Variants in DPP6 observed in about 807,000 individuals in gnomAD.
DPP6 encodes dipeptidyl peptidase like 6, also known as A-type potassium channel modulatory protein DPP6.
Under a neutral mutation model 122.6 loss-of-function variants are expected in DPP6, and 69 were observed. That is an observed-to-expected ratio of 0.56 (90% CI 0.46 to 0.69). DPP6 has a LOEUF of 0.69. Ranked by LOEUF, DPP6 falls within the 30% of genes least tolerant of loss-of-function variation. The pLI is 0.00. For synonymous variants in DPP6, 418 were observed against 433.1 expected (o/e 0.97, Z 0.43); for missense variants, 928 against 1,116.9 (o/e 0.83, Z 2.41).
At chr7:154,311,446 G>A (rs1301696290) in intron 1 of DPP6, among the ~76,000 whole-genome samples, 4 of 151,606 alleles carry the variant, frequency 2.6e-5, no homozygotes, top group African/African-American at 7.3e-5. Context: ...GCAGTGAGCC[G>A]TGATCACACC....
intron 1 of DPP6, among the ~76,000 whole-genome samples, chr7:154,268,184 G>T (rs1488831944): frequency 6.6e-6 from 1 of 152,150 alleles, no homozygotes; most frequent in African/African-American, 2.4e-5. Flanking sequence ...AAAAGTGATT[G>T]TCTCACCATC....
At chr7:154,824,338 G>A (rs944206238) in intron 16 of DPP6, among the ~76,000 whole-genome samples, 2 of 152,222 alleles carry the variant, frequency 1.3e-5, no homozygotes, top group African/African-American at 4.8e-5. Flanking sequence ...GGAGTGCAGT[G>A]GCGAGACCTC....
chr7:154,302,190 C>T (rs1044971127), intron 1 of DPP6, among the ~76,000 whole-genome samples: 5 of 152,142 alleles, frequency 3.3e-5, no homozygotes, highest in South Asian at 2.1e-4. Context: ...ACCTCCCGCT[C>T]CCACCAGTCC....
intron 1 of DPP6, among the ~76,000 whole-genome samples, chr7:154,340,220 T>A (rs1809808394): frequency 6.6e-6 from 1 of 152,242 alleles, no homozygotes; most frequent in African/African-American, 2.4e-5. Context: ...AACTAATCTC[T>A]TTTATGTAGA....
intron 5 of DPP6, among the ~76,000 whole-genome samples, chr7:154,572,417 A>G (rs953197586): frequency 2.0e-5 from 3 of 151,878 alleles, no homozygotes; most frequent in African/African-American, 4.8e-5. Flanking sequence ...GGATTGGGCT[A>G]TAAATTATTG....
At chr7:154,114,535 T>G (rs2150591894) in intron 1 of DPP6, among the ~76,000 whole-genome samples, 1 of 152,254 alleles carries the variant, frequency 6.6e-6, no homozygotes. Flanking sequence ...CCCAGTGAAC[T>G]TAAACAATTC....
intron 19 of DPP6, among the ~76,000 whole-genome samples, chr7:154,874,078 C>T (rs1804646745): frequency 6.9e-6 from 1 of 145,298 alleles, no homozygotes; most frequent in African/African-American, 2.7e-5. Context: ...TGTATATACA[C>T]ATGCACACAT....
intron 1 of DPP6, among the ~76,000 whole-genome samples, chr7:153,893,654 A>G (rs896156651): frequency 3.3e-5 from 5 of 152,234 alleles, no homozygotes. Context: ...TAAACAGCTG[A>G]TGCATCAATC....
chr7:154,429,523 A>G (rs950637986), intron 1 of DPP6, among the ~76,000 whole-genome samples: 2 of 152,250 alleles, frequency 1.3e-5, no homozygotes, highest in Non-Finnish European at 2.9e-5. Flanking sequence ...TTTAACAGCC[A>G]CATAAAATAA....
At chr7:154,621,664 G>A (rs113477830) in intron 5 of DPP6, among the ~76,000 whole-genome samples, 422 of 152,280 alleles carry the variant, frequency 2.8e-3, no homozygotes, top group African/African-American at 9.7e-3. Flanking sequence ...ACCGCACCAG[G>A]CCTCTAATTT....
intron 5 of DPP6, among the ~76,000 whole-genome samples, chr7:154,595,154 CT>C (rs1833019221): frequency 6.6e-6 from 1 of 152,124 alleles, no homozygotes; most frequent in Admixed American, 6.5e-5. Flanking sequence ...GGCTGCTTTG[CT>C]TTCCTTTCCT....
At chr7:153,968,497 G>C (rs1415223439) in intron 1 of DPP6, among the ~76,000 whole-genome samples, 2 of 151,768 alleles carry the variant, frequency 1.3e-5, no homozygotes, top group Non-Finnish European at 2.9e-5. Context: ...ACAATATTTT[G>C]GTTTTTAGCA....
chr7:154,639,696 A>G (rs1174003304), intron 6 of DPP6, among the ~76,000 whole-genome samples: 1 of 147,064 alleles, frequency 6.8e-6, no homozygotes, highest in Non-Finnish European at 1.5e-5. Context: ...CTGCACTTAG[A>G]TACCTGGAGC....
At chr7:154,399,577 A>G (rs1815391602) in intron 1 of DPP6, among the ~76,000 whole-genome samples, 1 of 152,298 alleles carries the variant, frequency 6.6e-6, no homozygotes, top group African/African-American at 2.4e-5. Context: ...CTTGTAGTCA[A>G]AAAAAATTCT....
intron 5 of DPP6, among the ~76,000 whole-genome samples, chr7:154,579,853 G>A (rs1238868450): frequency 1.3e-5 from 2 of 152,102 alleles, no homozygotes; most frequent in African/African-American, 2.4e-5. Flanking sequence ...GCAGAGACAC[G>A]GTAAGGAGGG....
chr7:153,888,705 C>CTT (rs142238331), intron 1 of DPP6, among the ~76,000 whole-genome samples: 51 of 76,978 alleles, frequency 6.6e-4, no homozygotes, highest in East Asian at 6.4e-3. Context: ...CTGGCTGGCA[C>CTT]TTTTTTTTTT....
At chr7:153,892,179 C>G (rs1039265617) in intron 1 of DPP6, among the ~76,000 whole-genome samples, 1 of 152,176 alleles carries the variant, frequency 6.6e-6, no homozygotes, top group Admixed American at 6.5e-5. Flanking sequence ...GGCATTTGAC[C>G]GTTTTGCTGA....
rs74989720 is a variant in DPP6 at position 154,868,207 on chromosome 7, G to T, written c.1813+114G>T. On this transcript the variant is annotated intron_variant, in intron 18 of 25. Coordinates refer to ENST00000377770, the MANE Select transcript of DPP6 (RefSeq NM_130797.4). The stretch of plus-strand genomic sequence containing the variant: ...CAAGGAAGACTCCCCAAGCACGGGG[G>T]TGTATCTTTGCCCCTCAGCTCCTCT... The T allele has an allele frequency of 2.8e-3, 3,850 of 1,351,904 alleles. 124 individuals carry two copies. In the East Asian group the frequency reaches 0.069, roughly 24 times the overall value. The allele number at this position is 1,351,904 out of a possible 1,614,324, so 83.7% of individuals were successfully genotyped here. A position where few individuals can be genotyped will look rare whatever the true frequency, so the allele number is the denominator to read the frequency against.
rs1229761129 is a variant in DPP6, at chr7:154,060,273, A to G, written c.243+7210A>G. 4.6e-4 allele frequency among the ~76,000 whole-genome samples: 28 copies of G among 60,332 alleles called. 1 individual carries two copies. Among genetic ancestry groups the G allele is most frequent in the East Asian group, 9.8e-4 (2 of 2,050 alleles). 39.6% of individuals were successfully genotyped at this position (60,332 alleles called of 152,430 possible). A position where few individuals can be genotyped will look rare whatever the true frequency, so the allele number is the denominator to read the frequency against. ...GGGGCGGAGGCACCCCCCGCGAGGC[A>G]GGGACTGAGAGGCAATCCCTCTTCC... On this transcript the variant is annotated intron_variant, in intron 1 of 25. Coordinates refer to ENST00000377770, the MANE Select transcript of DPP6 (RefSeq NM_130797.4).
Sources: gnomAD v4.1 joint callset for allele counts (sites outside exome capture counted in the v4.1 genomes callset) on GRCh38, gnomAD v4.1.1 for gene constraint, MANE v1.5 for transcripts, NCBI Gene and HGNC (gene_info 2026-07-23, HGNC 2026-07-21) for gene names.